Variants in COLQ observed in about 807,000 individuals in gnomAD.
The protein encoded by COLQ is collagen like tail subunit of asymmetric acetylcholinesterase.
A neutral mutation model predicts 69.0 loss-of-function variants in COLQ; 48 were observed. The observed-to-expected ratio is 0.70, with a 90% CI of 0.55 to 0.88. The LOEUF (loss-of-function observed/expected upper bound fraction) is 0.88. Among genes scored for constraint, COLQ ranks in the 40% least tolerant of loss-of-function variants. COLQ has a pLI of 0.00. For synonymous variants in COLQ, 217 were observed against 211.2 expected, an observed-to-expected ratio of 1.03 and a Z score of -0.24; for missense variants, 618 against 594.6, an observed-to-expected ratio of 1.04 and a Z score of -0.41.
chr3:15,495,233 A>T (rs1007082758), intron 1 of COLQ, among the ~76,000 whole-genome samples: 1 of 152,188 alleles, frequency 6.6e-6, no homozygotes, highest in African/African-American at 2.4e-5. Flanking sequence ...CACTGCAAAG[A>T]GGGAGAACAC....
At chr3:15,498,071 C>T (rs146149957) in intron 1 of COLQ, among the ~76,000 whole-genome samples, 104 of 152,290 alleles carry the variant, frequency 6.8e-4, no homozygotes, top group African/African-American at 2.3e-3. Context: ...TTACCCAAGG[C>T]AGTCCACTCA....
rs1440660087 is a variant in COLQ, at chr3:15,450,412, C to T, written c.*1232G>A. 1 of 153,728 alleles carries T rather than the reference C, an allele frequency of 6.5e-6. No individual in the cohort carries two copies. The highest frequency in any genetic ancestry group is 2.4e-5 in the African/African-American group (1 of 41,430). 9.5% of individuals were successfully genotyped at this position (153,728 alleles called of 1,614,324 possible). On this transcript the variant is annotated 3_prime_UTR_variant, in exon 17 of 17. Transcript: ENST00000383788. The stretch of plus-strand genomic sequence containing the variant: ...CATTAAATAGCTTCGTACAAAAACC[C>T]AAGGGTGTCCCTCCAGCTGGTAAAA...
At chr3:15,491,115 A>C (rs2125142308) in intron 1 of COLQ, among the ~76,000 whole-genome samples, 1 of 152,222 alleles carries the variant, frequency 6.6e-6, no homozygotes, top group African/African-American at 2.4e-5. Context: ...TTTAGTTAAG[A>C]GCCAGCTTGA....
At chr3:15,464,458 G>A (rs2062167587) in intron 12 of COLQ, among the ~76,000 whole-genome samples, 1 of 152,204 alleles carries the variant, frequency 6.6e-6, no homozygotes, top group East Asian at 1.9e-4. Context: ...TAATTCACCA[G>A]GATCTTTGCC....
At chr3:15,491,456 G>C (rs769093302) in intron 1 of COLQ, among the ~76,000 whole-genome samples, 1 of 152,118 alleles carries the variant, frequency 6.6e-6, no homozygotes, top group African/African-American at 2.4e-5. Flanking sequence ...TCCACCTTGT[G>C]CTCCAGGACC....
At chr3:15,501,033 G>A (rs2062822085) in intron 1 of COLQ, among the ~76,000 whole-genome samples, 2 of 152,190 alleles carry the variant, frequency 1.3e-5, no homozygotes, top group Non-Finnish European at 2.9e-5. Flanking sequence ...TTCCTAGACA[G>A]GGGTGAAGGA....
At chr3:15,470,475 C>T in intron 11 of COLQ, 61 bp downstream of exon 11, 1 of 1,479,858 alleles carries the variant, frequency 6.8e-7, no homozygotes, top group South Asian at 1.1e-5. Flanking sequence ...CCTGCCACTC[C>T]ACACACTGCC....
chr3:15,467,532 C>A (rs1244010022), intron 11 of COLQ, among the ~76,000 whole-genome samples: 1 of 152,206 alleles, frequency 6.6e-6, no homozygotes, highest in Admixed American at 6.5e-5. Context: ...CATGGAGTGT[C>A]CTCTTTTCTG....
Position 15,489,518 on chromosome 3 carries a change from T to C in COLQ, c.219+7A>G. ...TTTTTTCCTCTCATAAATCCCAAAGTACTCACCGGACTTCGGCCACCTCTG... is the reference window on the plus strand; with the variant it reads ...TTTTTTCCTCTCATAAATCCCAAAGCACTCACCGGACTTCGGCCACCTCTG... On this transcript the variant is annotated splice_region_variant and intron_variant, in intron 2 of 16. Coordinates refer to ENST00000383788, the MANE Select transcript of COLQ (RefSeq NM_005677.4). 1 of 1,613,968 alleles carries C rather than the reference T, an allele frequency of 6.2e-7. No homozygotes were observed. Among genetic ancestry groups the C allele is most frequent in the African/African-American group, 1.3e-5 (1 of 75,036 alleles).
rs747847173 is a variant in COLQ at position 15,473,908 on chromosome 3, C to T, written c.636+92G>A. The stretch of plus-strand genomic sequence containing the variant: ...CCATGGTTAAACCCACCATCCCTGC[C>T]TGATAGACAAGGAGGCAGAGTTCTT... On this transcript the variant is annotated intron_variant, in intron 10 of 16. Coordinates refer to ENST00000383788, the MANE Select transcript of COLQ (RefSeq NM_005677.4). This position sits in a 1 kb window ranked among gnomAD's most constrained non-coding sequence, Gnocchi z 4.0. The T allele has an allele frequency of 7.7e-5, 108 of 1,397,760 alleles. No homozygotes were observed. The highest frequency in any genetic ancestry group is 4.8e-5 in the Non-Finnish European group (48 of 990,916). The allele number at this position is 1,397,760 out of a possible 1,614,324, so 86.6% of individuals were successfully genotyped here.
chr3:15,501,977 T>G (rs1486123209), intron 1 of COLQ, among the ~76,000 whole-genome samples: 1 of 152,250 alleles, frequency 6.6e-6, no homozygotes, highest in African/African-American at 2.4e-5. Context: ...CTCACCATTT[T>G]AACCAGTGTC....
intron 16 of COLQ, among the ~76,000 whole-genome samples, chr3:15,453,236 T>C (rs2061974101): frequency 6.6e-6 from 1 of 152,160 alleles, no homozygotes; most frequent in Non-Finnish European, 1.5e-5. Context: ...GACACTAGAA[T>C]ACTTGTCCTG....
intron 1 of COLQ, among the ~76,000 whole-genome samples, chr3:15,508,889 G>A (rs919805430): frequency 3.9e-5 from 6 of 151,938 alleles, no homozygotes; most frequent in South Asian, 2.1e-4. Flanking sequence ...AGTGGTTCAC[G>A]TCTGTAATCC....
chr3:15,498,618 G>A, intron 1 of COLQ: 5 of 1,551,606 alleles, frequency 3.2e-6, no homozygotes, highest in Non-Finnish European at 4.4e-6. Context: ...GGACTGGCCA[G>A]GGAACACTAG....
chr3:15,517,558 A>G (rs1575500358), intron 1 of COLQ, among the ~76,000 whole-genome samples: 1 of 152,246 alleles, frequency 6.6e-6, no homozygotes, highest in Non-Finnish European at 1.5e-5. Flanking sequence ...CAATCCACAG[A>G]CCCATAAGTG....
At chr3:15,459,319 T>C (rs970819290) in intron 12 of COLQ, among the ~76,000 whole-genome samples, 1 of 152,142 alleles carries the variant, frequency 6.6e-6, no homozygotes, top group Non-Finnish European at 1.5e-5. Context: ...GTGGAAGAAC[T>C]GTGAGGGTAG....
intron 1 of COLQ, among the ~76,000 whole-genome samples, chr3:15,507,121 A>G (rs1385946198): frequency 6.6e-6 from 1 of 152,080 alleles, no homozygotes; most frequent in Non-Finnish European, 1.5e-5. Context: ...CTATGGCTGC[A>G]TAATATCCCT....
chr3:15,467,820 C>T (rs878945), intron 11 of COLQ: 2 of 455,238 alleles, frequency 4.4e-6, no homozygotes, highest in African/African-American at 4.0e-5. Context: ...CTTGGGACTC[C>T]TTTCCAGCCA....
chr3:15,502,370 G>T (rs894338041), intron 1 of COLQ, among the ~76,000 whole-genome samples: 4 of 152,028 alleles, frequency 2.6e-5, no homozygotes, highest in Non-Finnish European at 5.9e-5. Flanking sequence ...ACCCGCCTCA[G>T]CCTCCCAAAG....
Sources: gnomAD v4.1 joint callset for allele counts (sites outside exome capture counted in the v4.1 genomes callset) on GRCh38, gnomAD v4.1.1 for gene constraint, Gnocchi (gnomAD v3.1) non-coding constraint, MANE v1.5 for transcripts, NCBI Gene and HGNC (gene_info 2026-07-23, HGNC 2026-07-21) for gene names.